DOCK5: variants seen among roughly 807,000 people sequenced by gnomAD.
DOCK5 encodes dedicator of cytokinesis 5.
A neutral mutation model predicts 251.8 loss-of-function variants in DOCK5; 142 were observed. The observed-to-expected ratio is 0.56, with a 90% CI of 0.49 to 0.65. The LOEUF (loss-of-function observed/expected upper bound fraction) is 0.65, where lower values mean the gene tolerates loss of function less well. Among genes scored for constraint, DOCK5 ranks in the 30% least tolerant of loss-of-function variants. The probability of loss-of-function intolerance (pLI) is 0.00; values close to 1 mark genes in which losing one functional copy is unlikely to be tolerated. For synonymous variants in DOCK5, 842 were observed against 835.5 expected (o/e 1.01, Z -0.13); for missense variants, 2,111 against 2,312.3 (o/e 0.91, Z 1.79).
chr8:25,369,148 CCT>C (rs1800829124), intron 33 of DOCK5, among the ~76,000 whole-genome samples: 1 of 152,138 alleles, frequency 6.6e-6, no homozygotes, highest in Non-Finnish European at 1.5e-5. Context: ...CTTCTCTGTG[CCT>C]CTGTTTTCTT....
chr8:25,338,511 T>TA (rs1805870361), intron 22 of DOCK5, among the ~76,000 whole-genome samples: 1 of 152,228 alleles, frequency 6.6e-6, no homozygotes, highest in African/African-American at 2.4e-5. Context: ...TGATTGTTTT[T>TA]AAAAAATGTT....
Position 25,411,281 on chromosome 8 carries a change from G to A in DOCK5, c.5596G>A (p.Glu1866Lys), listed in dbSNP as rs1269768654. 5 of 1,561,086 alleles carry A rather than the reference G, an allele frequency of 3.2e-6. No homozygotes were observed. Among genetic ancestry groups the A allele is most frequent in the South Asian group, 2.4e-5 (2 of 83,560 alleles). The part of the protein sequence containing the change: ...KARKSGIPTS[E>K]PGSQ ...TCGGAAGTCTGGCATCCCTACTTCC[G>A]AGCCTGGATCCCAGTAAGGATCTTG... is the stretch of plus-strand genomic sequence containing the variant. Residue 1866 changes from glutamate (E) to lysine (K), a missense_variant, in exon 52 of 52, where the codon GAG becomes AAG. Physicochemically the swap from Glu to Lys is moderately conservative, Grantham distance 56 (BLOSUM62 1). Transcript: ENST00000276440.
chr8:25,231,380 T>A (rs1346629806), intron 1 of DOCK5, among the ~76,000 whole-genome samples: 1 of 152,228 alleles, frequency 6.6e-6, no homozygotes, highest in Non-Finnish European at 1.5e-5. Flanking sequence ...CTGGTACACT[T>A]GTGCAAGTGT....
At chr8:25,223,214 C>T (rs529802960) in intron 1 of DOCK5, among the ~76,000 whole-genome samples, 2 of 152,310 alleles carry the variant, frequency 1.3e-5, no homozygotes, top group East Asian at 3.9e-4. Flanking sequence ...CTACGTTGCC[C>T]AGGCTGGTCT....
chr8:25,280,887 G>A (rs2666160), intron 5 of DOCK5, among the ~76,000 whole-genome samples: 114,286 of 151,966 alleles, frequency 0.75, 44,751 homozygotes, highest in Non-Finnish European at 0.87. Flanking sequence ...GAGGAATTGC[G>A]TGTACGTGGG....
chr8:25,267,383 T>A (rs1042533876), intron 2 of DOCK5, among the ~76,000 whole-genome samples: 1 of 152,226 alleles, frequency 6.6e-6, no homozygotes, highest in Non-Finnish European at 1.5e-5. Context: ...TATGAAATAC[T>A]ACTTTTACAA....
intron 1 of DOCK5, among the ~76,000 whole-genome samples, chr8:25,202,307 C>T (rs1053534246): frequency 5.3e-5 from 8 of 152,150 alleles, no homozygotes; most frequent in South Asian, 4.1e-4. Context: ...TGTGAGCCAC[C>T]GCACCCACCC....
chr8:25,199,630 G>A (rs1052967083), intron 1 of DOCK5, among the ~76,000 whole-genome samples: 1 of 152,104 alleles, frequency 6.6e-6, no homozygotes, highest in African/African-American at 2.4e-5. Context: ...TGATCCTCCC[G>A]CCTTGGCCTC....
chr8:25,262,977 T>C (rs954606566), intron 2 of DOCK5, among the ~76,000 whole-genome samples: 1 of 151,936 alleles, frequency 6.6e-6, no homozygotes, highest in African/African-American at 2.4e-5. Flanking sequence ...TTTGGGTTAT[T>C]ATGCCTATGT....
chr8:25,302,203 A>C (rs1804784319), intron 9 of DOCK5, 122 bp from the exon 10 acceptor site: 2 of 1,340,974 alleles, frequency 1.5e-6, no homozygotes, highest in South Asian at 3.5e-5. Flanking sequence ...AGTCGTTCTA[A>C]TACTTCAGCA....
At chr8:25,407,755 G>A (rs560563209) in intron 48 of DOCK5, among the ~76,000 whole-genome samples, 1 of 151,900 alleles carries the variant, frequency 6.6e-6, no homozygotes, top group South Asian at 2.1e-4. Context: ...ACTTTAGCTG[G>A]GCATGGTGGT....
chr8:25,234,163 T>G (rs1802738579), intron 1 of DOCK5, among the ~76,000 whole-genome samples: 1 of 152,226 alleles, frequency 6.6e-6, no homozygotes, highest in Non-Finnish European at 1.5e-5. Context: ...CAGTGAAATG[T>G]GTTTGTCTCA....
At chr8:25,400,241 G>A (rs975064546) in intron 46 of DOCK5, among the ~76,000 whole-genome samples, 13 of 152,130 alleles carry the variant, frequency 8.5e-5, no homozygotes, top group South Asian at 4.1e-4. Context: ...GCTTATGCCT[G>A]TAATCCCAGC....
intron 3 of DOCK5, among the ~76,000 whole-genome samples, chr8:25,271,938 T>C (rs1052170991): frequency 3.9e-5 from 6 of 152,230 alleles, no homozygotes; most frequent in Non-Finnish European, 7.3e-5. Context: ...TGAAGCCTAC[T>C]GATGACAAAT....
chr8:25,371,498 T>A (rs1284678801), intron 34 of DOCK5, among the ~76,000 whole-genome samples: 1 of 152,196 alleles, frequency 6.6e-6, no homozygotes, highest in East Asian at 1.9e-4. Context: ...ATAATTGAAT[T>A]GATGAATAGT....
chr8:25,245,095 C>T (rs754711897), intron 2 of DOCK5, among the ~76,000 whole-genome samples: 1 of 152,314 alleles, frequency 6.6e-6, no homozygotes, highest in Non-Finnish European at 1.5e-5. Context: ...CTCGCTCTGT[C>T]GCCCAGGCTG....
At chr8:25,372,889 C>T (rs1471361911) in intron 35 of DOCK5, among the ~76,000 whole-genome samples, 171 bp downstream of exon 35, 3 of 152,188 alleles carry the variant, frequency 2.0e-5, no homozygotes, top group African/African-American at 7.2e-5. Flanking sequence ...CAGGTATCAG[C>T]AGCCACAGAC....
chr8:25,222,281 A>G (rs898271562), intron 1 of DOCK5, among the ~76,000 whole-genome samples: 4 of 152,172 alleles, frequency 2.6e-5, no homozygotes, highest in Non-Finnish European at 5.9e-5. Context: ...GGGATCTGAG[A>G]GGCAGACCAT....
intron 27 of DOCK5, among the ~76,000 whole-genome samples, chr8:25,353,794 C>T (rs920162260): frequency 4.6e-5 from 7 of 151,822 alleles, no homozygotes; most frequent in South Asian, 2.1e-4. Context: ...AAGGCTGAGG[C>T]GGGCAGATCA....
Sources: allele counts gnomAD v4.1 joint callset (sites outside exome capture counted in the v4.1 genomes callset), GRCh38; gene constraint gnomAD v4.1.1; transcripts MANE v1.5; gene names NCBI Gene and HGNC (gene_info 2026-07-23, HGNC 2026-07-21).